SYN2: variants seen among roughly 807,000 people sequenced by gnomAD.
The protein encoded by SYN2 is synapsin II, also known as synapsin-2.
SYN2 carries 19 observed loss-of-function variants against 50.9 expected under a neutral mutation model. The observed-to-expected ratio is 0.37, with a 90% CI of 0.26 to 0.55. The LOEUF (loss-of-function observed/expected upper bound fraction) is 0.55, where lower values mean the gene tolerates loss of function less well. Among genes scored for constraint, SYN2 ranks in the 20% least tolerant of loss-of-function variants. The pLI is 0.81. For synonymous variants in SYN2, 255 were observed against 224.9 expected (o/e 1.13, Z -1.20); for missense variants, 587 against 576.4 (o/e 1.02, Z -0.19).
At chr3:12,188,901 G>T (rs1035137233) in intron 12 of SYN2, among the ~76,000 whole-genome samples, 1 of 152,166 alleles carries the variant, frequency 6.6e-6, no homozygotes, top group African/African-American at 2.4e-5. Flanking sequence ...TCCTTGGATT[G>T]TCACTGCCTC....
chr3:12,041,821 C>G (rs370633373), intron 1 of SYN2, among the ~76,000 whole-genome samples: 4 of 152,158 alleles, frequency 2.6e-5, no homozygotes, highest in African/African-American at 9.7e-5. Flanking sequence ...TCTGATATTC[C>G]TCCCCAGCAT....
chr3:12,162,407 C>G (rs1034084234), intron 7 of SYN2, among the ~76,000 whole-genome samples: 1 of 152,180 alleles, frequency 6.6e-6, no homozygotes, highest in African/African-American at 2.4e-5. Context: ...CATTAGTTAC[C>G]TGTACATAGG....
chr3:12,187,557 G>A lies in SYN2; in HGVS notation c.1558G>A (p.Ala520Thr), dbSNP rs1362472632. 1.9e-6 allele frequency: 3 copies of A among 1,552,096 alleles called. No individual in the cohort carries two copies. Among genetic ancestry groups the A allele is most frequent in the Non-Finnish European group, 2.6e-6 (3 of 1,147,262 alleles). Residue 520 changes from alanine to threonine, a missense_variant, in exon 12 of 13, where the codon GCC (alanine) becomes ACC (threonine). Transcript: ENST00000621198. ...APSSSSSLAE[A>T]QPPLAAPPQK... Reference sequence around the variant, plus strand: ...CTCCAGCAGCAGCTCCCTGGCAGAGGCCCAGCCACCCCTGGCTGCTCCACC... The same window carrying A: ...CTCCAGCAGCAGCTCCCTGGCAGAGACCCAGCCACCCCTGGCTGCTCCACC...
rs190954934 is a variant in SYN2 at position 12,188,877 on chromosome 3, C to T, written c.1613+1265C>T. 1.2e-3 allele frequency among the ~76,000 whole-genome samples: 176 copies of T among 152,270 alleles called. 1 individual carries two copies. The highest frequency in any genetic ancestry group is 3.9e-3 in the African/African-American group (164 of 41,552). On this transcript the variant is annotated intron_variant, in intron 12 of 12. Transcript: ENST00000621198. The stretch of plus-strand genomic sequence containing the variant: ...CTTCCCACTAGCCAACTCTAGCCCC[C>T]GCGTGAGGGCAGATCCTTGGATTGT...
chr3:12,082,546 G>A (rs951856345), intron 1 of SYN2, among the ~76,000 whole-genome samples: 2 of 152,200 alleles, frequency 1.3e-5, no homozygotes, highest in Non-Finnish European at 2.9e-5. Context: ...TTGGTATTAG[G>A]AAGGCCTTTC....
chr3:12,129,112 T>G (rs1169163058), intron 1 of SYN2, among the ~76,000 whole-genome samples: 1 of 151,982 alleles, frequency 6.6e-6, no homozygotes, highest in African/African-American at 2.4e-5. Context: ...TAATAAAAGA[T>G]TTCAAAATAG....
intron 1 of SYN2, among the ~76,000 whole-genome samples, chr3:12,008,854 T>C (rs1693856157): frequency 6.6e-6 from 1 of 152,142 alleles, no homozygotes; most frequent in African/African-American, 2.4e-5. Context: ...GTCCAGACAG[T>C]GGATAGCATA....
chr3:12,185,591 C>G (rs975629420), intron 11 of SYN2: 30 of 985,754 alleles, frequency 3.0e-5, no homozygotes, highest in Non-Finnish European at 3.5e-5. Flanking sequence ...GTACCTATTT[C>G]TTTCCTGACG....
At chr3:12,008,967 A>T (rs996140522) in intron 1 of SYN2, among the ~76,000 whole-genome samples, 1 of 152,204 alleles carries the variant, frequency 6.6e-6, no homozygotes, top group African/African-American at 2.4e-5. Context: ...GCCTTTGAGC[A>T]TTTCATCAAG....
At chr3:12,050,711 C>CTCTT (rs1268024407) in intron 1 of SYN2, among the ~76,000 whole-genome samples, 7 of 50,580 alleles carry the variant, frequency 1.4e-4, no homozygotes, top group Admixed American at 7.4e-4. Flanking sequence ...CTTCTCTTCT[C>CTCTT]TTTTTTTTTT....
chr3:12,071,375 G>A, intron 1 of SYN2: 6 of 558,888 alleles, frequency 1.1e-5, no homozygotes, highest in South Asian at 8.3e-5. Flanking sequence ...TGGACCGTAA[G>A]CAGATGTGTA....
intron 1 of SYN2, among the ~76,000 whole-genome samples, chr3:12,051,414 GCTGGTCTTC>G (rs1694862009): frequency 8.3e-5 from 1 of 12,034 alleles, no homozygotes; most frequent in Admixed American, 1.5e-3. Context: ...CAGAGCTACT[GCTGGTCTTC>G]TAGTTTTGTC....
intron 4 of SYN2, chr3:12,148,526 C>T (rs1237626843): frequency 6.6e-6 from 1 of 152,178 alleles, no homozygotes; most frequent in Admixed American, 6.5e-5. Context: ...TTGGAAAAGG[C>T]TCTGCCTTGC....
intron 1 of SYN2, chr3:12,070,602 A>G (rs1695331040): frequency 2.9e-6 from 4 of 1,375,972 alleles, no homozygotes; most frequent in South Asian, 1.1e-5. Flanking sequence ...GACCCAGATC[A>G]TGTTTGAGAC....
At chr3:12,077,709 C>G (rs944986158) in intron 1 of SYN2, among the ~76,000 whole-genome samples, 12 of 152,132 alleles carry the variant, frequency 7.9e-5, no homozygotes, top group African/African-American at 2.4e-4. Flanking sequence ...TTTTCTTTAT[C>G]TGGTCTATCC....
rs1005403307 is a variant in SYN2 at position 12,191,952 on chromosome 3, A to G, written c.*1327A>G. Among the ~76,000 whole-genome samples, 1 of 152,194 alleles carries G rather than the reference A, an allele frequency of 6.6e-6. No individual in the cohort carries two copies. Among genetic ancestry groups the G allele is most frequent in the Non-Finnish European group, 1.5e-5 (1 of 68,038 alleles). ...CTTCATGACTCCCTGATACTCAAGT[A>G]TATTTTCCCAAAGACCACGGATGCT... On this transcript the variant is annotated 3_prime_UTR_variant, in exon 13 of 13. Transcript: ENST00000621198.
intron 1 of SYN2, among the ~76,000 whole-genome samples, chr3:12,052,322 C>G (rs943347683): frequency 4.0e-5 from 6 of 151,382 alleles, no homozygotes; most frequent in African/African-American, 1.5e-4. Flanking sequence ...TTTTTTGCAC[C>G]TACTGCCTGA....
At position 12,145,758 on chromosome 3, in the gene SYN2, A is replaced by T; in HGVS notation, c.607A>T (p.Ile203Phe). 6.2e-7 allele frequency: 1 copy of T among 1,614,014 alleles called. No homozygotes were observed. The highest frequency in any genetic ancestry group is 8.5e-7 in the Non-Finnish European group (1 of 1,179,886). ...GAATGAGGACTTCCGCCACCTGATC[A>T]TTGGTATGCAGTATGCAGGCCTCCC... ...AENEDFRHLI[I>F]GMQYAGLPSI... The change falls in exon 4 of 13, where the codon ATT becomes TTT. Residue 203 changes from isoleucine to phenylalanine, a missense_variant. Transcript: ENST00000621198.
intron 1 of SYN2, among the ~76,000 whole-genome samples, chr3:12,050,861 G>T (rs1482881388): frequency 6.7e-6 from 1 of 150,228 alleles, no homozygotes; most frequent in Non-Finnish European, 1.5e-5. Flanking sequence ...TCAGCCTCCC[G>T]AGTAGCTGGG....
Sources: allele counts gnomAD v4.1 joint callset (sites outside exome capture counted in the v4.1 genomes callset), GRCh38; gene constraint gnomAD v4.1.1; transcripts MANE v1.5; gene names NCBI Gene and HGNC (gene_info 2026-07-23, HGNC 2026-07-21).